The following PELI2 variants were observed in gnomAD, a reference collection of about 807,000 sequenced individuals.
PELI2 encodes E3 ubiquitin-protein ligase pellino homolog 2.
PELI2 carries 23 observed loss-of-function variants against 42.3 expected under a neutral mutation model. That is an observed-to-expected ratio of 0.54 (90% CI 0.39 to 0.77). The LOEUF is 0.77. PELI2 is among the 30% of genes least tolerant of loss of function. The pLI is 0.00. For missense variants in PELI2, 463 were observed against 553.2 expected (o/e 0.84, Z 1.64); for synonymous variants, 245 against 212.2 (o/e 1.15, Z -1.34).
At chr14:56,235,026 C>T (rs926929687) in intron 2 of PELI2, among the ~76,000 whole-genome samples, 2 of 152,064 alleles carry the variant, frequency 1.3e-5, no homozygotes, top group African/African-American at 4.8e-5. Context: ...GAGGGTGTTA[C>T]GTTTGTTTCA....
At position 56,142,435 on chromosome 14, in the gene PELI2, C is replaced by T. The variant is rs759575651; in HGVS notation, c.77+23698C>T. Among the ~76,000 whole-genome samples, 53 of 152,222 alleles carry T rather than the reference C, an allele frequency of 3.5e-4. 1 individual carries two copies. The highest frequency in any genetic ancestry group is 6.8e-3 in the Middle Eastern group (2 of 294). ...CTTAGAAGTGGTGGTGAGCTCCCTG[C>T]GTGGGGACAACATAGTAGTATCCCT... On this transcript the variant is annotated intron_variant, in intron 1 of 5. Transcript: ENST00000267460.
chr14:56,155,878 C>A (rs1174483288), intron 1 of PELI2, among the ~76,000 whole-genome samples: 1 of 152,186 alleles, frequency 6.6e-6, no homozygotes, highest in Non-Finnish European at 1.5e-5. Flanking sequence ...GCCACTGTGC[C>A]TGGCTTCAGG....
chr14:56,192,370 A>G (rs1333040147), intron 2 of PELI2, among the ~76,000 whole-genome samples: 2 of 152,206 alleles, frequency 1.3e-5, no homozygotes, highest in African/African-American at 4.8e-5. Flanking sequence ...ATTATTTCTA[A>G]TTAAAGGTTG....
chr14:56,297,317 A>G lies in PELI2; in HGVS notation c.*151A>G, dbSNP rs910712798. On this transcript the variant is annotated 3_prime_UTR_variant, in exon 6 of 6. Transcript: ENST00000267460. ...AGGGGACATGGTGATGAAACATGGCAGGAGTGTAACAGATACCAGTGGTGT... is the reference window on the plus strand; with the variant it reads ...AGGGGACATGGTGATGAAACATGGCGGGAGTGTAACAGATACCAGTGGTGT... 11 of 620,366 alleles carry G rather than the reference A, an allele frequency of 1.8e-5. No homozygotes were observed. The Admixed American group carries it at 2.0e-4, about 11-fold the overall frequency. The allele number at this position is 620,366 out of a possible 1,614,324, so 38.4% of individuals were successfully genotyped here.
intron 1 of PELI2, among the ~76,000 whole-genome samples, chr14:56,125,814 C>T (rs1300450250): frequency 6.6e-6 from 1 of 152,060 alleles, no homozygotes; most frequent in Non-Finnish European, 1.5e-5. Context: ...CCTTGACTTC[C>T]CCCCTCCTTG....
chr14:56,266,966 T>C (rs961181614), intron 2 of PELI2, among the ~76,000 whole-genome samples: 1 of 152,040 alleles, frequency 6.6e-6, no homozygotes, highest in Non-Finnish European at 1.5e-5. Flanking sequence ...GAACAGAACA[T>C]TGTATGCAGT....
intron 1 of PELI2, among the ~76,000 whole-genome samples, chr14:56,121,773 G>A (rs1036680128): frequency 6.6e-6 from 1 of 152,142 alleles, no homozygotes; most frequent in African/African-American, 2.4e-5. Flanking sequence ...AAATATGATT[G>A]GATTAGGTAG....
chr14:56,221,952 G>C (rs931786284), intron 2 of PELI2, among the ~76,000 whole-genome samples: 3 of 152,054 alleles, frequency 2.0e-5, no homozygotes, highest in African/African-American at 7.3e-5. Flanking sequence ...CCTGCCTCTT[G>C]CCAGCCTCGA....
chr14:56,240,715 G>A (rs1180696508), intron 2 of PELI2, among the ~76,000 whole-genome samples: 4 of 152,116 alleles, frequency 2.6e-5, no homozygotes, highest in Admixed American at 2.6e-4. Flanking sequence ...GGACTAGGGG[G>A]TAAAGAGATG....
In PELI2 at chr14:56,273,470, A is replaced by T. The variant is rs751773293; in HGVS notation, c.208-6206A>T. 6.6e-6 allele frequency among the ~76,000 whole-genome samples: 1 copy of T among 152,248 alleles called. No individual in the cohort carries two copies. The highest frequency in any genetic ancestry group is 1.5e-5 in the Non-Finnish European group (1 of 68,044). On this transcript the variant is annotated intron_variant, in intron 2 of 5. Coordinates refer to ENST00000267460, the MANE Select transcript of PELI2 (RefSeq NM_021255.3). This position sits in a 1 kb window ranked among gnomAD's most constrained non-coding sequence, Gnocchi z 4.3. The stretch of plus-strand genomic sequence containing the variant: ...AAAAGCATCTTCAGGACAGAAAGTT[A>T]AGGGCTGCAAAAAAGCTGATTATAA...
chr14:56,285,975 T>C (rs1049571758), intron 3 of PELI2, among the ~76,000 whole-genome samples: 3 of 152,172 alleles, frequency 2.0e-5, no homozygotes, highest in African/African-American at 7.2e-5. Context: ...GAGAGGAAAC[T>C]TTTATGACAG....
chr14:56,118,795 TG>T, intron 1 of PELI2, 58 bp downstream of exon 1: 1 of 1,222,242 alleles, frequency 8.2e-7, no homozygotes, highest in East Asian at 3.2e-5. Flanking sequence ...GCCCGCATCC[TG>T]GAGCGGGGCT....
chr14:56,127,703 G>A (rs1048143300), intron 1 of PELI2, among the ~76,000 whole-genome samples: 2 of 152,152 alleles, frequency 1.3e-5, no homozygotes, highest in Admixed American at 6.5e-5. Context: ...TGAACACTTT[G>A]CCATAGAAAG....
At position 56,135,992 on chromosome 14, in the gene PELI2, G is replaced by A. The variant is rs151154538; in HGVS notation, c.77+17255G>A. The stretch of plus-strand genomic sequence containing the variant: ...TTCTTTGATGGATGAGGCTTACCTC[G>A]TTGATCTTTCTGAACATTAGTGATT... On this transcript the variant is annotated intron_variant, in intron 1 of 5. Transcript: ENST00000267460. Among the ~76,000 whole-genome samples, 82 of 152,234 alleles carry A rather than the reference G, an allele frequency of 5.4e-4. 1 individual carries two copies. In the East Asian group the frequency reaches 0.015, roughly 28 times the overall value.
chr14:56,257,530 T>G (rs1440814875), intron 2 of PELI2, among the ~76,000 whole-genome samples: 2 of 142,646 alleles, frequency 1.4e-5, no homozygotes, highest in Non-Finnish European at 3.0e-5. Context: ...TATATATGTA[T>G]CTATGTATAT....
At chr14:56,132,344 C>G (rs1356496396) in intron 1 of PELI2, among the ~76,000 whole-genome samples, 1 of 152,216 alleles carries the variant, frequency 6.6e-6, no homozygotes, top group African/African-American at 2.4e-5. Context: ...GGAGGCACTT[C>G]CCTAAGGCTG....
intron 2 of PELI2, among the ~76,000 whole-genome samples, chr14:56,260,960 A>G (rs1296604056): frequency 6.6e-6 from 1 of 152,150 alleles, no homozygotes; most frequent in Non-Finnish European, 1.5e-5. Context: ...GGAAGGAATC[A>G]CTGGAGGTGA....
chr14:56,146,784 CT>C (rs552894561), intron 1 of PELI2, among the ~76,000 whole-genome samples: 3,351 of 147,558 alleles, frequency 0.023, 102 homozygotes, highest in African/African-American at 0.074. Flanking sequence ...TAAAGGTCTT[CT>C]TTTTTTTTTT....
At position 56,297,246 on chromosome 14, in the gene PELI2, T is replaced by A; in HGVS notation, c.*80T>A. Reference sequence around the variant, plus strand: ...ACTAACTCTAGATTTTACCTTTTTGTAATGCTGTTTATCAGAGGAGGGTGA... The same window carrying A: ...ACTAACTCTAGATTTTACCTTTTTGAAATGCTGTTTATCAGAGGAGGGTGA... On this transcript the variant is annotated 3_prime_UTR_variant, in exon 6 of 6. Transcript: ENST00000267460. The A allele has an allele frequency of 2.2e-6, 2 of 906,038 alleles. No individual in the cohort carries two copies. Among genetic ancestry groups the A allele is most frequent in the East Asian group, 2.6e-5 (1 of 37,782 alleles). The allele number at this position is 906,038 out of a possible 1,614,324, so 56.1% of individuals were successfully genotyped here. A position where few individuals can be genotyped will look rare whatever the true frequency, so the allele number is the denominator to read the frequency against.
Sources: allele counts gnomAD v4.1 joint callset (sites outside exome capture counted in the v4.1 genomes callset), GRCh38; gene constraint gnomAD v4.1.1; non-coding constraint Gnocchi (gnomAD v3.1); transcripts MANE v1.5; gene names NCBI Gene and HGNC (gene_info 2026-07-23, HGNC 2026-07-21).